CDH18: variants seen among roughly 807,000 people sequenced by gnomAD.
CDH18 encodes the protein cadherin-18.
A neutral mutation model predicts 67.9 loss-of-function variants in CDH18; 31 were observed. The observed-to-expected ratio is 0.46, with a 90% CI of 0.34 to 0.62. The LOEUF (loss-of-function observed/expected upper bound fraction) is 0.62. CDH18 is among the 20% of genes least tolerant of loss of function. The probability of loss-of-function intolerance (pLI) is 0.01; values close to 1 mark genes in which losing one functional copy is unlikely to be tolerated. For missense variants in CDH18, 890 were observed against 975.5 expected, an observed-to-expected ratio of 0.91 and a Z score of 1.17; for synonymous variants, 362 against 347.2, an observed-to-expected ratio of 1.04 and a Z score of -0.48.
At chr5:19,862,389 G>A (rs1188463562) in intron 2 of CDH18, among the ~76,000 whole-genome samples, 12 of 152,156 alleles carry the variant, frequency 7.9e-5, no homozygotes. Context: ...AACTGTTCCT[G>A]TTCATTCAAT....
At chr5:19,662,800 G>A (rs1757368769) in intron 5 of CDH18, among the ~76,000 whole-genome samples, 1 of 151,926 alleles carries the variant, frequency 6.6e-6, no homozygotes, top group Admixed American at 6.6e-5. Context: ...TAAAATTATA[G>A]CACTCTGTAC....
intron 1 of CDH18, among the ~76,000 whole-genome samples, chr5:20,407,281 T>G (rs1192456545): frequency 6.6e-6 from 1 of 152,140 alleles, no homozygotes; most frequent in East Asian, 1.9e-4. Flanking sequence ...GATTGGCTTC[T>G]GCCTCATCTA....
intron 2 of CDH18, among the ~76,000 whole-genome samples, chr5:20,195,646 A>G (rs1403506029): frequency 6.6e-6 from 1 of 152,058 alleles, no homozygotes; most frequent in Admixed American, 6.6e-5. Flanking sequence ...TCCTTAAGAA[A>G]ATTTATGTTT....
chr5:20,004,999 A>G (rs1580006970), intron 2 of CDH18, among the ~76,000 whole-genome samples: 3 of 152,254 alleles, frequency 2.0e-5, no homozygotes, highest in Non-Finnish European at 2.9e-5. Context: ...TGAAGAGCCA[A>G]TAAAGTGAGT....
intron 2 of CDH18, among the ~76,000 whole-genome samples, chr5:20,013,380 T>C (rs537873978): frequency 6.6e-5 from 10 of 152,092 alleles, no homozygotes; most frequent in Non-Finnish European, 1.5e-4. Flanking sequence ...ACAGGTTATA[T>C]TGATGTACTG....
chr5:19,475,608 T>C (rs1341346814), intron 12 of CDH18, among the ~76,000 whole-genome samples: 1 of 151,982 alleles, frequency 6.6e-6, no homozygotes, highest in Non-Finnish European at 1.5e-5. Flanking sequence ...ATATTTGAGA[T>C]ACACACAGGC....
intron 2 of CDH18, among the ~76,000 whole-genome samples, chr5:19,949,726 G>C (rs1795606341): frequency 6.6e-6 from 1 of 151,902 alleles, no homozygotes; most frequent in African/African-American, 2.4e-5. Context: ...CAATGTATTT[G>C]GCCAGTTTTG....
chr5:20,327,975 G>T (rs1177940618), intron 1 of CDH18, among the ~76,000 whole-genome samples: 1 of 151,800 alleles, frequency 6.6e-6, no homozygotes, highest in Non-Finnish European at 1.5e-5. Flanking sequence ...AATATGTGGG[G>T]TTTTTATAGC....
chr5:19,930,808 T>C (rs1223663685), intron 2 of CDH18, among the ~76,000 whole-genome samples: 1 of 152,014 alleles, frequency 6.6e-6, no homozygotes, highest in Non-Finnish European at 1.5e-5. Flanking sequence ...CATGTCTTCA[T>C]TTACAAAGGA....
chr5:20,299,955 T>C (rs1302210725), intron 1 of CDH18, among the ~76,000 whole-genome samples: 1 of 152,110 alleles, frequency 6.6e-6, no homozygotes, highest in Admixed American at 6.6e-5. Context: ...TGTTGTTCTA[T>C]AAATAGGATT....
chr5:19,866,718 G>A (rs953054702), intron 2 of CDH18, among the ~76,000 whole-genome samples: 128 of 152,104 alleles, frequency 8.4e-4, no homozygotes, highest in Middle Eastern at 3.4e-3. Context: ...TCCTCTTTCC[G>A]CTCTTGAAAG....
At chr5:20,051,790 T>C (rs1741441118) in intron 2 of CDH18, among the ~76,000 whole-genome samples, 1 of 151,788 alleles carries the variant, frequency 6.6e-6, no homozygotes, top group Admixed American at 6.6e-5. Flanking sequence ...GATTCAGGAG[T>C]AATAAAAATG....
intron 1 of CDH18, among the ~76,000 whole-genome samples, chr5:20,463,742 T>C (rs1751436468): frequency 6.6e-6 from 1 of 152,170 alleles, no homozygotes; most frequent in African/African-American, 2.4e-5. Context: ...ATTTGAACTT[T>C]GAAGGCTAGA....
chr5:19,943,796 C>T (rs1234226570), intron 2 of CDH18, among the ~76,000 whole-genome samples: 2 of 151,890 alleles, frequency 1.3e-5, no homozygotes, highest in Admixed American at 1.3e-4. Context: ...ATATTTAAAA[C>T]CTCCCCTTAA....
At chr5:20,073,076 A>C (rs553280541) in intron 2 of CDH18, among the ~76,000 whole-genome samples, 4 of 151,988 alleles carry the variant, frequency 2.6e-5, no homozygotes, top group Non-Finnish European at 5.9e-5. Flanking sequence ...CATAAAAAAA[A>C]CTTTAGAATC....
chr5:20,073,461 G>C (rs1164350219), intron 2 of CDH18, among the ~76,000 whole-genome samples: 1 of 151,932 alleles, frequency 6.6e-6, no homozygotes, highest in Non-Finnish European at 1.5e-5. Context: ...ATTTTTTTCT[G>C]TTGAATAAGG....
chr5:20,174,618 G>A (rs1452560661), intron 2 of CDH18, among the ~76,000 whole-genome samples: 1 of 152,088 alleles, frequency 6.6e-6, no homozygotes, highest in Non-Finnish European at 1.5e-5. Flanking sequence ...AATAAGCTAT[G>A]CAGCCAGTAC....
chr5:20,422,733 G>A (rs1388969407), intron 1 of CDH18, among the ~76,000 whole-genome samples: 5 of 150,970 alleles, frequency 3.3e-5, no homozygotes, highest in Non-Finnish European at 7.4e-5. Flanking sequence ...TCTGAAAGTA[G>A]GTGAAAAACT....
intron 6 of CDH18, among the ~76,000 whole-genome samples, chr5:19,595,527 G>T (rs1197783404): frequency 6.6e-6 from 1 of 152,190 alleles, no homozygotes; most frequent in African/African-American, 2.4e-5. Context: ...GGGAGACTGA[G>T]GCAGGAGAAT....
Sources: gnomAD v4.1 joint callset for allele counts (sites outside exome capture counted in the v4.1 genomes callset) on GRCh38, gnomAD v4.1.1 for gene constraint, MANE v1.5 for transcripts, NCBI Gene and HGNC (gene_info 2026-07-23, HGNC 2026-07-21) for gene names.